ZNF124: variants seen among roughly 807,000 people sequenced by gnomAD.
ZNF124 encodes the protein zinc finger protein HZF-16.
A neutral mutation model predicts 26.6 loss-of-function variants in ZNF124; 25 were observed. The observed-to-expected ratio is 0.94, with a 90% CI of 0.68 to 1.31. The LOEUF is 1.31. ZNF124 is among the 40% of genes most tolerant of loss of function. ZNF124 has a pLI of 0.00. For synonymous variants in ZNF124, 129 were observed against 133.3 expected (o/e 0.97, Z 0.22); for missense variants, 444 against 422.2 (o/e 1.05, Z -0.45).
chr1:247,159,873 G>A (rs1364173901), intron 1 of ZNF124, 60 bp from the exon 2 acceptor site: 6 of 1,502,760 alleles, frequency 4.0e-6, no homozygotes, highest in South Asian at 3.7e-5. Context: ...GAAATCTGTA[G>A]TCAATTTATA....
At chr1:247,137,251 T>G (rs1048689927) in intron 3 of ZNF124, among the ~76,000 whole-genome samples, 11 of 151,630 alleles carry the variant, frequency 7.3e-5, no homozygotes, top group African/African-American at 1.2e-4. Context: ...GCCAGCCATA[T>G]GCAGAAAATG....
intron 3 of ZNF124, among the ~76,000 whole-genome samples, chr1:247,128,360 A>AC (rs1179006002): frequency 6.7e-6 from 1 of 148,658 alleles, no homozygotes; most frequent in Non-Finnish European, 1.5e-5. Context: ...GTCCTCAGCC[A>AC]CCCTCCTGTC....
At chr1:247,159,519 T>C (rs762303856) in intron 2 of ZNF124, among the ~76,000 whole-genome samples, 168 bp downstream of exon 2, 4 of 152,200 alleles carry the variant, frequency 2.6e-5, no homozygotes, top group African/African-American at 7.2e-5. Flanking sequence ...TATTCTGTTA[T>C]CACAATTAAA....
intron 3 of ZNF124, among the ~76,000 whole-genome samples, chr1:247,145,280 TG>T (rs1672732989): frequency 6.6e-6 from 1 of 152,158 alleles, no homozygotes; most frequent in Admixed American, 6.5e-5. Flanking sequence ...TTAGTAGATT[TG>T]ATGATAAAAG....
chr1:247,146,509 A>G (rs1672783043), intron 3 of ZNF124, among the ~76,000 whole-genome samples: 1 of 152,184 alleles, frequency 6.6e-6, no homozygotes, highest in East Asian at 1.9e-4. Context: ...ACATTAGTGT[A>G]ACCTGCAGTG....
Position 247,156,190 on chromosome 1 carries a change from T to C in ZNF124, c.*376A>G. 3 of 997,640 alleles carry C rather than the reference T, an allele frequency of 3.0e-6. No individual in the cohort carries two copies. Among genetic ancestry groups the C allele is most frequent in the Non-Finnish European group, 3.6e-6 (3 of 838,742 alleles). The allele number at this position is 997,640 out of a possible 1,614,324, so 61.8% of individuals were successfully genotyped here. On this transcript the variant is annotated 3_prime_UTR_variant, in exon 4 of 4. Coordinates refer to ENST00000543802, the MANE Select transcript of ZNF124 (RefSeq NM_001297568.2). ...TTATTTATAAGGTCAATCTGGAGTATGTGTTACCATGTGTCTCTGAGTGAG... is the reference window on the plus strand; with the variant it reads ...TTATTTATAAGGTCAATCTGGAGTACGTGTTACCATGTGTCTCTGAGTGAG...
At chr1:247,167,086 C>G (rs956427815) in intron 1 of ZNF124, among the ~76,000 whole-genome samples, 1 of 152,116 alleles carries the variant, frequency 6.6e-6, no homozygotes, top group Admixed American at 6.5e-5. Flanking sequence ...ATTATTAAGA[C>G]CCACTCATGA....
rs763853387 is a variant in ZNF124 at position 247,156,266 on chromosome 1, T to G, written c.*300A>C. ...ACATTCGATACCTTCATAAAGTTTT[T>G]CTCTAGAATGAGTTATGTTATACCA... On this transcript the variant is annotated 3_prime_UTR_variant, in exon 4 of 4. Coordinates refer to ENST00000543802, the MANE Select transcript of ZNF124 (RefSeq NM_001297568.2). 1.9e-5 allele frequency: 21 copies of G among 1,078,740 alleles called. No homozygotes were observed. Among genetic ancestry groups the G allele is most frequent in the Non-Finnish European group, 2.4e-5 (21 of 892,294 alleles). The allele number at this position is 1,078,740 out of a possible 1,614,324, so 66.8% of individuals were successfully genotyped here.
rs533635584 is a variant in ZNF124, at chr1:247,133,582, C to T, written c.219-9711G>A. ...TACAAAGGGAAGCCCATCAGACTAA[C>T]GGTAGACATCTCAGCAGAAACTACA... On this transcript the variant is annotated intron_variant, in intron 3 of 3. Coordinates refer to the ZNF124 transcript ENST00000472531. Among the ~76,000 whole-genome samples, 23 of 151,786 alleles carry T rather than the reference C, an allele frequency of 1.5e-4. No homozygotes were observed. In the East Asian group the frequency reaches 2.5e-3, roughly 17 times the overall value.
intron 3 of ZNF124, among the ~76,000 whole-genome samples, chr1:247,143,779 A>G (rs548246414): frequency 1.1e-4 from 17 of 152,354 alleles, no homozygotes; most frequent in African/African-American, 4.1e-4. Context: ...GGTAGAAACT[A>G]GATGGAGGAG....
In ZNF124 at chr1:247,155,956, A is replaced by G. The variant is rs1305155088; in HGVS notation, c.*610T>C. On this transcript the variant is annotated 3_prime_UTR_variant, in exon 4 of 4. Coordinates refer to ENST00000543802, the MANE Select transcript of ZNF124 (RefSeq NM_001297568.2). ...CTCTCTTCAAAAATGAGCAACCAAT[A>G]TATTCAATTTATTTATAGCTCCTAA... is the stretch of plus-strand genomic sequence containing the variant. The G allele has an allele frequency of 2.1e-6, 2 of 941,868 alleles. No homozygotes were observed. The highest frequency in any genetic ancestry group is 1.2e-4 in the East Asian group (1 of 8,632). The allele number at this position is 941,868 out of a possible 1,614,324, so 58.3% of individuals were successfully genotyped here.
rs988396454 is a variant in ZNF124 at position 247,156,643 on chromosome 1, A to G, written c.979T>C (p.Phe327Leu). 1.2e-6 allele frequency: 2 copies of G among 1,608,072 alleles called. No homozygotes were observed. The highest frequency in any genetic ancestry group is 2.7e-5 in the African/African-American group (2 of 74,442). Residue 327 changes from phenylalanine (F) to leucine (L), a missense_variant, in exon 4 of 4, where the codon TTT becomes CTT. Physicochemically the swap from Phe to Leu is conservative, Grantham distance 22. Coordinates refer to ENST00000543802, the MANE Select transcript of ZNF124 (RefSeq NM_001297568.2). Reference sequence around the variant, plus strand: ...TTCCAAAGGGTACTAGCACGACTAAAGGCTTTGCCACATTTCTGACATTCA... The same window carrying G: ...TTCCAAAGGGTACTAGCACGACTAAGGGCTTTGCCACATTTCTGACATTCA... The part of the protein sequence containing the change: ...PYECQKCGKA[F>L]SRASTLWKHK...
intron 3 of ZNF124, among the ~76,000 whole-genome samples, chr1:247,140,606 G>A (rs1216553814): frequency 6.6e-6 from 1 of 152,184 alleles, no homozygotes; most frequent in Non-Finnish European, 1.5e-5. Flanking sequence ...GGGTGTTCCT[G>A]TAACTGCAGT....
chr1:247,133,991 TCATA>T (rs1380272026), intron 3 of ZNF124, among the ~76,000 whole-genome samples: 5 of 152,174 alleles, frequency 3.3e-5, no homozygotes, highest in Admixed American at 6.5e-5. Context: ...ACTCAGAATT[TCATA>T]TTCAGCCAAA....
intron 3 of ZNF124, among the ~76,000 whole-genome samples, chr1:247,145,800 TG>T (rs1269163337): frequency 1.3e-5 from 2 of 152,072 alleles, no homozygotes; most frequent in African/African-American, 4.8e-5. Context: ...GGCTAATTTT[TG>T]TATTTTTAGA....
At chr1:247,167,660 A>G (rs1007338187) in intron 1 of ZNF124, among the ~76,000 whole-genome samples, 3 of 152,236 alleles carry the variant, frequency 2.0e-5, no homozygotes, top group Non-Finnish European at 4.4e-5. Flanking sequence ...TGGCTTGGGC[A>G]AAGAACTCAT....
chr1:247,159,641 CACTT>C lies in ZNF124; in HGVS notation c.157+42_157+45del, dbSNP rs1308789191. Reference sequence around the variant, plus strand: ...TGGAATGACATTGAAAACCATGAAACACTTACTTTCTGATTGACTAAGTGAAGAA... The same window carrying C: ...TGGAATGACATTGAAAACCATGAAACACTTTCTGATTGACTAAGTGAAGAA... On this transcript the variant is annotated intron_variant, in intron 2 of 3. Transcript: ENST00000543802. 9 of 1,590,442 alleles carry C rather than the reference CACTT, an allele frequency of 5.7e-6. No homozygotes were observed. In the East Asian group the frequency reaches 1.3e-4, roughly 24 times the overall value.
intron 3 of ZNF124, among the ~76,000 whole-genome samples, chr1:247,135,550 C>G (rs1174097690): frequency 6.6e-6 from 1 of 151,992 alleles, no homozygotes; most frequent in East Asian, 1.9e-4. Context: ...GCCTACCAAT[C>G]AAAAAAAGCC....
At chr1:247,136,278 C>G (rs1482150919) in intron 3 of ZNF124, among the ~76,000 whole-genome samples, 2 of 152,190 alleles carry the variant, frequency 1.3e-5, no homozygotes, top group South Asian at 2.1e-4. Flanking sequence ...ACGTTTTGAA[C>G]TGATAAGCAA....
Sources: allele counts gnomAD v4.1 joint callset (sites outside exome capture counted in the v4.1 genomes callset), GRCh38; gene constraint gnomAD v4.1.1; transcripts MANE v1.5; gene names NCBI Gene and HGNC (gene_info 2026-07-23, HGNC 2026-07-21).